HNF4A: variants seen among roughly 807,000 people sequenced by gnomAD.
HNF4A encodes hepatocyte nuclear factor 4-alpha.
In HNF4A, 15 loss-of-function variants were observed where a neutral mutation model predicts 52.4. The observed-to-expected ratio is 0.29, with a 90% CI of 0.19 to 0.44. The LOEUF (loss-of-function observed/expected upper bound fraction) is 0.44, where lower values mean the gene tolerates loss of function less well. HNF4A is among the 20% of genes least tolerant of loss of function. The pLI is 1.00. For synonymous variants in HNF4A, 280 were observed against 264.4 expected (o/e 1.06, Z -0.57); for missense variants, 479 against 647.2 (o/e 0.74, Z 2.82).
Position 44,358,348 on chromosome 20 carries a change from G to A in HNF4A, c.49+2495G>A, listed in dbSNP as rs6073415. Among the ~76,000 whole-genome samples, 19 of 152,050 alleles carry A rather than the reference G, an allele frequency of 1.2e-4. No homozygotes were observed. The East Asian group carries it at 3.7e-3, about 29-fold the overall frequency. On this transcript the variant is annotated intron_variant, in intron 1 of 9. Transcript: ENST00000316673. ...TCCCAGGCTGGGTGCAGTGGCTCAC[G>A]CCTGTAATCCCAGCACTTTGGGAGG...
chr20:44,414,456 T>C (rs1212773763), intron 4 of HNF4A, 51 bp from the exon 5 acceptor site: 1 of 1,613,090 alleles, frequency 6.2e-7, no homozygotes, highest in Non-Finnish European at 8.5e-7. Context: ...GGACAGAGAG[T>C]GCGGGAGGGC....
chr20:44,419,912 C>A, intron 7 of HNF4A, 36 bp downstream of exon 7: 1 of 1,605,536 alleles, frequency 6.2e-7, no homozygotes, highest in South Asian at 1.1e-5. Flanking sequence ...CCCTGACTCT[C>A]TCTCCAGAAC....
At chr20:44,390,981 G>T (rs976036682) in intron 1 of HNF4A, among the ~76,000 whole-genome samples, 1 of 152,182 alleles carries the variant, frequency 6.6e-6, no homozygotes, top group African/African-American at 2.4e-5. Context: ...CACGGAGAGG[G>T]AAAATGACTT....
intron 1 of HNF4A, among the ~76,000 whole-genome samples, chr20:44,382,311 T>G (rs1366137445): frequency 1.3e-5 from 2 of 151,690 alleles, no homozygotes; most frequent in Non-Finnish European, 2.9e-5. Flanking sequence ...AGATCTCGGC[T>G]CACTGCACCC....
rs748315356 is a variant in HNF4A, at chr20:44,428,315, T to A, written c.1130-20T>A. 1 of 1,613,484 alleles carries A rather than the reference T, an allele frequency of 6.2e-7. No individual in the cohort carries two copies. Among genetic ancestry groups the A allele is most frequent in the African/African-American group, 1.3e-5 (1 of 74,898 alleles). On this transcript the variant is annotated intron_variant, in intron 8 of 9. Coordinates refer to ENST00000316099, the MANE Select transcript of HNF4A (RefSeq NM_000457.6). The stretch of plus-strand genomic sequence containing the variant: ...CTGCATCCCAGACTCTCCATCCTGA[T>A]CGACCTTCTCTACCTGCAGGGTCCC...
chr20:44,406,636 G>A (rs1448095069), intron 2 of HNF4A, among the ~76,000 whole-genome samples: 3 of 152,140 alleles, frequency 2.0e-5, no homozygotes, highest in East Asian at 3.9e-4. Context: ...ACCTACCCCA[G>A]GGGCTTCCAC....
intron 1 of HNF4A, among the ~76,000 whole-genome samples, chr20:44,394,635 C>A (rs1031452284): frequency 1.3e-5 from 2 of 152,170 alleles, no homozygotes; most frequent in Non-Finnish European, 2.9e-5. Flanking sequence ...GGTAACAGAG[C>A]AAATTTGCTC....
chr20:44,411,619 T>A (rs977219651), intron 3 of HNF4A, among the ~76,000 whole-genome samples: 3 of 152,192 alleles, frequency 2.0e-5, no homozygotes, highest in Non-Finnish European at 4.4e-5. Context: ...GTTGCTTGCC[T>A]CTGGACTTCT....
intron 4 of HNF4A, 113 bp from the exon 5 acceptor site, chr20:44,414,394 A>G: frequency 6.7e-7 from 1 of 1,485,816 alleles, no homozygotes; most frequent in Non-Finnish European, 9.4e-7. Flanking sequence ...GAGGGCACCC[A>G]CTATCCAGCC....
At chr20:44,356,751 G>A (rs184254872) in intron 1 of HNF4A, among the ~76,000 whole-genome samples, 1 of 152,302 alleles carries the variant, frequency 6.6e-6, no homozygotes, top group East Asian at 1.9e-4. Flanking sequence ...TTGTTTCTGA[G>A]GAGGGAAATT....
upstream of HNF4A, among the ~76,000 whole-genome samples, chr20:44,397,482 T>A (rs1461718089): frequency 6.6e-6 from 1 of 152,200 alleles, no homozygotes; most frequent in African/African-American, 2.4e-5. Context: ...ACATTTCAGA[T>A]CTTCTCTTCT....
chr20:44,386,822 T>C (rs1419541543), intron 1 of HNF4A, among the ~76,000 whole-genome samples: 1 of 152,228 alleles, frequency 6.6e-6, no homozygotes, highest in Non-Finnish European at 1.5e-5. Flanking sequence ...TTTCTAAATG[T>C]TGGAGCACAT....
intron 3 of HNF4A, among the ~76,000 whole-genome samples, chr20:44,411,194 T>G (rs1158620270): frequency 6.6e-6 from 1 of 152,038 alleles, no homozygotes; most frequent in Non-Finnish European, 1.5e-5. Flanking sequence ...CCAGGGGCCA[T>G]CTGAAGAGGC....
chr20:44,428,579 G>A, intron 9 of HNF4A, 92 bp downstream of exon 9: 1 of 1,260,902 alleles, frequency 7.9e-7, no homozygotes, highest in Non-Finnish European at 1.1e-6. Context: ...GGTAGAACCA[G>A]GATGCAACAG....
intron 1 of HNF4A, among the ~76,000 whole-genome samples, chr20:44,371,453 A>G (rs1388215478): frequency 6.6e-6 from 1 of 151,278 alleles, no homozygotes; most frequent in Admixed American, 6.6e-5. Context: ...TAATTTTTGT[A>G]TTTTTAGTAG....
chr20:44,401,589 T>C (rs2063410337), intron 1 of HNF4A: 1 of 1,422,736 alleles, frequency 7.0e-7, no homozygotes, highest in African/African-American at 1.4e-5. Flanking sequence ...AGGAGAATGA[T>C]ACAAAATGGT....
intron 6 of HNF4A, 123 bp from the exon 7 acceptor site, chr20:44,419,598 C>T (rs1279607901): frequency 1.1e-6 from 1 of 876,650 alleles, no homozygotes; most frequent in Non-Finnish European, 1.9e-6. Flanking sequence ...AAATGGGAGT[C>T]ACCATCCCTG....
chr20:44,388,096 T>C (rs1381941388), intron 1 of HNF4A, among the ~76,000 whole-genome samples: 1 of 127,884 alleles, frequency 7.8e-6, no homozygotes, highest in Non-Finnish European at 1.6e-5. Flanking sequence ...ATTAATTTTT[T>C]TTTTTAAATT....
chr20:44,391,835 A>G (rs1237475317), intron 1 of HNF4A, among the ~76,000 whole-genome samples: 1 of 152,332 alleles, frequency 6.6e-6, no homozygotes, highest in African/African-American at 2.4e-5. Flanking sequence ...GTGGTTCCCC[A>G]TAGTGAGGAA....
Sources: gnomAD v4.1 joint callset for allele counts (sites outside exome capture counted in the v4.1 genomes callset) on GRCh38, gnomAD v4.1.1 for gene constraint, MANE v1.5 for transcripts, NCBI Gene and HGNC (gene_info 2026-07-23, HGNC 2026-07-21) for gene names.